The following PCDHGA5 variants were observed in gnomAD, a reference collection of about 807,000 sequenced individuals.
The protein encoded by PCDHGA5 is protocadherin gamma-A5.
In PCDHGA5, 36 loss-of-function variants were observed where a neutral mutation model predicts 56.7. That is an observed-to-expected ratio of 0.64 (90% CI 0.49 to 0.84). The LOEUF (loss-of-function observed/expected upper bound fraction) is 0.84, where lower values mean the gene tolerates loss of function less well. Ranked by LOEUF, PCDHGA5 falls within the 40% of genes least tolerant of loss-of-function variation. The pLI is 0.00. For missense variants in PCDHGA5, 1,305 were observed against 1,201.5 expected, an observed-to-expected ratio of 1.09 and a Z score of -1.27; for synonymous variants, 563 against 520.2, an observed-to-expected ratio of 1.08 and a Z score of -1.12.
At chr5:141,370,362 CGGATTTA>C in intron 1 of PCDHGA5, 2 of 1,517,790 alleles carry the variant, frequency 1.3e-6, no homozygotes, top group Non-Finnish European at 1.8e-6. Flanking sequence ...CTCCTCTCCT[CGGATTTA>C]GAAAGGCAAA....
intron 1 of PCDHGA5, chr5:141,384,043 G>A (rs367639640): frequency 1.6e-5 from 26 of 1,612,650 alleles, no homozygotes; most frequent in Admixed American, 3.3e-5. Flanking sequence ...GAATGGTGAG[G>A]TGACCTGCAC....
At chr5:141,389,863 T>C in intron 1 of PCDHGA5, 1 of 1,614,064 alleles carries the variant, frequency 6.2e-7, no homozygotes, top group South Asian at 1.1e-5. Flanking sequence ...ACGTTGCACC[T>C]GGTCTTCGCC....
intron 1 of PCDHGA5, chr5:141,414,476 C>G (rs1242647918): frequency 6.2e-7 from 1 of 1,613,920 alleles, no homozygotes; most frequent in Non-Finnish European, 8.5e-7. Context: ...GGGGGAAGTC[C>G]TCCTCTATCA....
At chr5:141,427,692 C>A in intron 1 of PCDHGA5, 1 of 903,150 alleles carries the variant, frequency 1.1e-6, no homozygotes, top group Non-Finnish European at 1.8e-6. Context: ...AGCCTCCATC[C>A]CACAAGTCAG....
chr5:141,455,109 G>A (rs2098813382), intron 1 of PCDHGA5, among the ~76,000 whole-genome samples: 1 of 151,932 alleles, frequency 6.6e-6, no homozygotes, highest in South Asian at 2.1e-4. Context: ...ACTGCGCCCG[G>A]TGGGTCTAAT....
chr5:141,488,885 T>C (rs1401230063), intron 1 of PCDHGA5, among the ~76,000 whole-genome samples: 1 of 152,194 alleles, frequency 6.6e-6, no homozygotes, highest in Admixed American at 6.5e-5. Flanking sequence ...GAAGCTTCTG[T>C]GACACAGATT....
Position 141,365,775 on chromosome 5 carries a change from GCGACAACGCTC to G in PCDHGA5, c.1446_1456del (p.Asp483SerfsTer7), listed in dbSNP as rs763426695. On this transcript the variant is annotated frameshift_variant, in exon 1 of 4. Coordinates refer to ENST00000518069, the MANE Select transcript of PCDHGA5 (RefSeq NM_018918.3). LOFTEE classifies it high-confidence loss of function. ...GTGACAGCCCATGACCCCGACAGCGGCGACAACGCTCGAGTCACCTACTCCCTGGCTGAAGA... is the reference window on the plus strand; with the variant it reads ...GTGACAGCCCATGACCCCGACAGCGGGAGTCACCTACTCCCTGGCTGAAGA... 1 of 1,613,864 alleles carries G rather than the reference GCGACAACGCTC, an allele frequency of 6.2e-7. No individual in the cohort carries two copies. Among genetic ancestry groups the G allele is most frequent in the East Asian group, 2.2e-5 (1 of 44,882 alleles).
intron 1 of PCDHGA5, among the ~76,000 whole-genome samples, chr5:141,448,784 C>CAA (rs576464275): frequency 4.8e-5 from 7 of 145,806 alleles, no homozygotes; most frequent in East Asian, 2.0e-4. Context: ...ACTAAAAATA[C>CAA]AAAAAAAAAA....
chr5:141,465,019 G>T (rs533151051), intron 1 of PCDHGA5, among the ~76,000 whole-genome samples: 1 of 151,978 alleles, frequency 6.6e-6, no homozygotes, highest in Non-Finnish European at 1.5e-5. Context: ...TAAGATTACA[G>T]CCATGAACCA....
chr5:141,371,771 G>T, intron 1 of PCDHGA5: 1 of 1,613,966 alleles, frequency 6.2e-7, no homozygotes, highest in Non-Finnish European at 8.5e-7. Flanking sequence ...CCTACACCGT[G>T]CATGTAGCTG....
intron 1 of PCDHGA5, chr5:141,388,302 C>G: frequency 6.2e-7 from 1 of 1,613,700 alleles, no homozygotes; most frequent in Non-Finnish European, 8.5e-7. Context: ...TTCCTTTGAG[C>G]TGCAAATAAG....
At chr5:141,413,342 TG>T in intron 1 of PCDHGA5, 1 of 1,613,974 alleles carries the variant, frequency 6.2e-7, no homozygotes, top group South Asian at 1.1e-5. Flanking sequence ...TCCAAGGACT[TG>T]GGTCTGGCGC....
At chr5:141,370,234 A>G (rs1034949073) in intron 1 of PCDHGA5, 24 of 600,046 alleles carry the variant, frequency 4.0e-5, no homozygotes, top group African/African-American at 3.2e-4. Flanking sequence ...CCAGCTCGGA[A>G]GAAAAGTGCA....
Position 141,489,252 on chromosome 5 carries a change from G to A in PCDHGA5, c.2422-5555G>A. 2 of 1,547,622 alleles carry A rather than the reference G, an allele frequency of 1.3e-6. No individual in the cohort carries two copies. Among genetic ancestry groups the A allele is most frequent in the Non-Finnish European group, 1.7e-6 (2 of 1,147,198 alleles). On this transcript the variant is annotated intron_variant, in intron 1 of 3. Coordinates refer to ENST00000518069, the MANE Select transcript of PCDHGA5 (RefSeq NM_018918.3). The surrounding 1 kb of genome is among the most constrained non-coding windows in gnomAD (Gnocchi z 4.5). ...GGGACTTCTGGGTCATGGGGCCCAAGACACTCCCACAGCTCGCTGGGAAAT... is the reference window on the plus strand; with the variant it reads ...GGGACTTCTGGGTCATGGGGCCCAAAACACTCCCACAGCTCGCTGGGAAAT...
At chr5:141,399,658 T>C (rs766038311) in intron 1 of PCDHGA5, 2 of 1,613,690 alleles carry the variant, frequency 1.2e-6, no homozygotes, top group South Asian at 2.2e-5. Flanking sequence ...TGGGGTGGTG[T>C]TCGCGCAGCG....
chr5:141,407,047 T>C (rs75652968), intron 1 of PCDHGA5, among the ~76,000 whole-genome samples: 6,428 of 152,316 alleles, frequency 0.042, 220 homozygotes, highest in African/African-American at 0.092. Flanking sequence ...GATCCATAGA[T>C]ACACTGATGA....
intron 1 of PCDHGA5, chr5:141,468,330 C>CAAAAAAAAA (rs533390277): frequency 1.3e-5 from 1 of 79,886 alleles, no homozygotes; most frequent in African/African-American, 3.9e-5. Context: ...AACTCCATCT[C>CAAAAAAAAA]AAAAAAAAAA....
chr5:141,405,320 C>G, intron 1 of PCDHGA5: 1 of 1,614,188 alleles, frequency 6.2e-7, no homozygotes, highest in Non-Finnish European at 8.5e-7. Context: ...GAAAAATGAG[C>G]CTTTGTGCGT....
intron 1 of PCDHGA5, chr5:141,385,371 T>C: frequency 2.6e-6 from 4 of 1,529,296 alleles, no homozygotes; most frequent in Non-Finnish European, 3.5e-6. Context: ...ATTTGCATGA[T>C]ATTTCTCTAT....
Sources: allele counts gnomAD v4.1 joint callset (sites outside exome capture counted in the v4.1 genomes callset), GRCh38; gene constraint gnomAD v4.1.1; non-coding constraint Gnocchi (gnomAD v3.1); transcripts MANE v1.5; gene names NCBI Gene and HGNC (gene_info 2026-07-23, HGNC 2026-07-21).